Variants in DPYD observed in about 807,000 individuals in gnomAD.
DPYD encodes dihydropyrimidine dehydrogenase [NADP(+)].
DPYD carries 109 observed loss-of-function variants against 116.2 expected under a neutral mutation model. That is an observed-to-expected ratio of 0.94 (90% CI 0.80 to 1.10). The LOEUF (loss-of-function observed/expected upper bound fraction) is 1.10. DPYD is among the 50% of genes least tolerant of loss of function. The pLI, the probability that DPYD is intolerant of heterozygous loss-of-function variation, is 0.00. For missense variants in DPYD, 1,302 were observed against 1,254.5 expected (o/e 1.04, Z -0.57); for synonymous variants, 440 against 432.0 (o/e 1.02, Z -0.23).
chr1:97,253,537 C>A (rs1001391097), intron 18 of DPYD, among the ~76,000 whole-genome samples: 1 of 152,220 alleles, frequency 6.6e-6, no homozygotes, highest in Non-Finnish European at 1.5e-5. Context: ...TTTCCCTTCT[C>A]GTGGCATCGT....
intron 20 of DPYD, among the ~76,000 whole-genome samples, chr1:97,148,103 C>T (rs1001926821): frequency 6.6e-6 from 1 of 152,056 alleles, no homozygotes; most frequent in Non-Finnish European, 1.5e-5. Flanking sequence ...AACAAATGTC[C>T]TGGGATGAAA....
intron 18 of DPYD, among the ~76,000 whole-genome samples, chr1:97,253,631 T>C (rs1663255884): frequency 6.6e-6 from 1 of 152,118 alleles, no homozygotes. Context: ...AATTCCGGTT[T>C]TGGCACAAAA....
intron 20 of DPYD, among the ~76,000 whole-genome samples, chr1:97,146,029 T>C (rs996345953): frequency 6.6e-6 from 1 of 152,154 alleles, no homozygotes; most frequent in Non-Finnish European, 1.5e-5. Flanking sequence ...ATCCTAAGCC[T>C]TATGTTTTAT....
In DPYD at chr1:97,386,433, CA is replaced by C. The variant is rs565400035; in HGVS notation, c.1906-3973del. 4.5e-4 allele frequency among the ~76,000 whole-genome samples: 68 copies of C among 152,212 alleles called. 2 individuals carry two copies. The highest frequency in any genetic ancestry group is 3.8e-3 in the Admixed American group (58 of 15,266). ...AGAGACAGGAGAAAGTAGACAAACACACAGGATGGAGAGAGATCCCCTTTGC... is the reference window on the plus strand; with the variant it reads ...AGAGACAGGAGAAAGTAGACAAACACCAGGATGGAGAGAGATCCCCTTTGC... On this transcript the variant is annotated intron_variant, in intron 14 of 22. Transcript: ENST00000370192.
intron 13 of DPYD, among the ~76,000 whole-genome samples, chr1:97,464,253 T>TAAAATAAAATAAAAC (rs1677182369): frequency 1.3e-5 from 1 of 77,872 alleles, no homozygotes; most frequent in East Asian, 3.0e-4. Flanking sequence ...TAAAATAAAA[T>TAAAATAAAATAAAAC]AAAATAAAAT....
At chr1:97,595,023 T>A (rs114968502) in intron 9 of DPYD, 36 bp downstream of exon 9, 24 of 1,418,940 alleles carry the variant, frequency 1.7e-5, no homozygotes, top group Non-Finnish European at 2.4e-5. Flanking sequence ...TAAAATAGCA[T>A]ACTCACTATT....
intron 16 of DPYD, among the ~76,000 whole-genome samples, chr1:97,329,252 T>A (rs936146987): frequency 2.0e-5 from 3 of 152,232 alleles, no homozygotes; most frequent in African/African-American, 7.2e-5. Flanking sequence ...TTTGTGGTGA[T>A]GTCACTAACT....
intron 18 of DPYD, chr1:97,295,787 T>C (rs937427494): frequency 1.0e-6 from 1 of 982,050 alleles, no homozygotes; most frequent in Non-Finnish European, 1.2e-6. Flanking sequence ...AAGTTTATAT[T>C]AAAAGGAAAA....
chr1:97,270,502 C>T (rs1664508946), intron 18 of DPYD, among the ~76,000 whole-genome samples: 1 of 152,126 alleles, frequency 6.6e-6, no homozygotes, highest in Non-Finnish European at 1.5e-5. Context: ...TTCATATGGA[C>T]CTGTGCTCTA....
chr1:97,514,826 CAGCTATTGATCCTAGT>C (rs1405241046), intron 13 of DPYD, among the ~76,000 whole-genome samples: 3 of 151,626 alleles, frequency 2.0e-5, no homozygotes, highest in Admixed American at 2.0e-4. Flanking sequence ...ATAATAATGC[CAGCTATTGATCCTAGT>C]AAGAGGAAAA....
intron 3 of DPYD, among the ~76,000 whole-genome samples, chr1:97,789,156 G>C (rs2101256843): frequency 6.6e-6 from 1 of 152,222 alleles, no homozygotes; most frequent in Non-Finnish European, 1.5e-5. Context: ...GTACACATTA[G>C]TACCTTCATT....
chr1:97,385,415 A>G (rs12739046), intron 14 of DPYD, among the ~76,000 whole-genome samples: 25,562 of 150,608 alleles, frequency 0.17, 2,834 homozygotes, highest in Non-Finnish European at 0.25. Flanking sequence ...GGGCAGAGAC[A>G]GATACAGAGA....
chr1:97,620,564 T>C (rs1367288775), intron 8 of DPYD, among the ~76,000 whole-genome samples: 2 of 152,192 alleles, frequency 1.3e-5, no homozygotes, highest in East Asian at 3.8e-4. Context: ...ATTAACCATC[T>C]GCCCTCTTAA....
intron 19 of DPYD, among the ~76,000 whole-genome samples, chr1:97,221,660 C>A (rs1034731514): frequency 6.6e-6 from 1 of 152,112 alleles, no homozygotes; most frequent in Non-Finnish European, 1.5e-5. Context: ...AAACAAATAT[C>A]AAAGTGTATA....
intron 3 of DPYD, among the ~76,000 whole-genome samples, chr1:97,824,922 AACTC>A (rs1669159495): frequency 1.3e-5 from 2 of 152,070 alleles, no homozygotes; most frequent in Admixed American, 6.5e-5. Context: ...TGCGCACATC[AACTC>A]TCAGTCTTTT....
At chr1:97,726,487 GGTC>G (rs1391122133) in intron 4 of DPYD, among the ~76,000 whole-genome samples, 1 of 151,484 alleles carries the variant, frequency 6.6e-6, no homozygotes, top group Non-Finnish European at 1.5e-5. Context: ...CAACTGAGCA[GGTC>G]ATCATTGTTA....
intron 1 of DPYD, among the ~76,000 whole-genome samples, chr1:97,884,692 C>T (rs1672394014): frequency 6.6e-6 from 1 of 152,022 alleles, no homozygotes. Flanking sequence ...TGAAACATCT[C>T]TACCACAGTA....
intron 20 of DPYD, among the ~76,000 whole-genome samples, chr1:97,124,221 C>A (rs1195810746): frequency 2.0e-5 from 3 of 152,050 alleles, no homozygotes; most frequent in African/African-American, 7.2e-5. Flanking sequence ...CCACCCCCGC[C>A]CTGCTCTAAA....
At chr1:97,487,038 T>A (rs1678678466) in intron 13 of DPYD, among the ~76,000 whole-genome samples, 1 of 152,108 alleles carries the variant, frequency 6.6e-6, no homozygotes, top group African/African-American at 2.4e-5. Flanking sequence ...TCTGTACTCT[T>A]AGGTCATATT....
Sources: allele counts gnomAD v4.1 joint callset (sites outside exome capture counted in the v4.1 genomes callset), GRCh38; gene constraint gnomAD v4.1.1; transcripts MANE v1.5; gene names NCBI Gene and HGNC (gene_info 2026-07-23, HGNC 2026-07-21).